The following CIMAP1C variants were observed in gnomAD, a reference collection of about 807,000 sequenced individuals.
CIMAP1C encodes the protein ciliary microtubule associated protein 1C, also known as outer dense fiber of sperm tails 3 like 1.
At chr15:75,725,009 A>G in the CIMAP1C span, 1 of 773,186 alleles carries the variant, frequency 1.3e-6, no homozygotes, top group South Asian at 1.5e-5. Context: ...AGCAGCAAGA[A>G]CAAATACCCC....
the CIMAP1C span, chr15:75,727,299 T>C: frequency 6.2e-7 from 1 of 1,614,180 alleles, no homozygotes; most frequent in East Asian, 2.2e-5. Context: ...AAGGAGGATG[T>C]GGCAGGAGGC....
chr15:75,725,798 G>A, the CIMAP1C span, among the ~76,000 whole-genome samples: 11 of 152,146 alleles, frequency 7.2e-5, no homozygotes, highest in South Asian at 2.1e-4. Flanking sequence ...ATTACTCCCC[G>A]TTGGCCCCAA....
the CIMAP1C span, chr15:75,726,219 T>TGGGGTGGTGGGGGGGG: frequency 1.4e-5 from 9 of 653,584 alleles, no homozygotes; most frequent in East Asian, 3.8e-5. Flanking sequence ...GGTTGGGGGG[T>TGGGGTGGTGGGGGGGG]GGGGTGCACC....
the CIMAP1C span, chr15:75,727,188 C>T: frequency 1.9e-6 from 3 of 1,614,158 alleles, no homozygotes; most frequent in Admixed American, 5.0e-5. Flanking sequence ...AACCCGGCTC[C>T]CAACCAGTAC....
the CIMAP1C span, chr15:75,725,196 G>C: frequency 3.1e-5 from 50 of 1,613,270 alleles, no homozygotes; most frequent in Non-Finnish European, 4.2e-5. Flanking sequence ...CTTATACCCT[G>C]CATAGCCGGC....
chr15:75,726,903 C>T, the CIMAP1C span, among the ~76,000 whole-genome samples: 13 of 152,040 alleles, frequency 8.6e-5, no homozygotes, highest in African/African-American at 1.7e-4. Flanking sequence ...TGTGAGCCAC[C>T]GCGTCCGGCC....
the CIMAP1C span, chr15:75,725,161 G>A: frequency 6.2e-7 from 1 of 1,614,106 alleles, no homozygotes; most frequent in Non-Finnish European, 8.5e-7. Context: ...CATAGATCAT[G>A]ACATCTCCAT....
chr15:75,725,044 TG>T, the CIMAP1C span: 1 of 1,084,790 alleles, frequency 9.2e-7, no homozygotes, highest in Non-Finnish European at 1.4e-6. Context: ...TGCGCTGTAC[TG>T]GGGCTTCCCC....
chr15:75,727,151 C>G, the CIMAP1C span: 1 of 1,614,094 alleles, frequency 6.2e-7, no homozygotes, highest in Admixed American at 1.7e-5. Flanking sequence ...GTTTGGCTAC[C>G]GGCGCCCATA....
the CIMAP1C span, among the ~76,000 whole-genome samples, chr15:75,725,405 C>T: frequency 6.6e-6 from 1 of 152,218 alleles, no homozygotes; most frequent in African/African-American, 2.4e-5. Flanking sequence ...GCCGCCTCTC[C>T]CAAGGGAGCC....
At chr15:75,726,970 A>G in the CIMAP1C span, 1 of 1,512,842 alleles carries the variant, frequency 6.6e-7, no homozygotes, top group Non-Finnish European at 8.9e-7. Context: ...CTGAGGTCAC[A>G]GTGGATAACC....
the CIMAP1C span, among the ~76,000 whole-genome samples, chr15:75,725,419 AG>A: frequency 6.6e-6 from 1 of 152,212 alleles, no homozygotes; most frequent in East Asian, 1.9e-4. Flanking sequence ...GGGAGCCTAT[AG>A]GGGATCCTGG....
chr15:75,726,795 T>A, the CIMAP1C span, among the ~76,000 whole-genome samples: 1 of 152,104 alleles, frequency 6.6e-6, no homozygotes, highest in African/African-American at 2.4e-5. Flanking sequence ...TTTGTATTTT[T>A]AGTAGAGATG....
the CIMAP1C span, chr15:75,725,205 G>A: frequency 1.2e-6 from 2 of 1,612,564 alleles, no homozygotes; most frequent in South Asian, 2.2e-5. Context: ...TGCATAGCCG[G>A]CACTCAGAGA....
chr15:75,725,202 C>T, the CIMAP1C span: 1 of 1,612,846 alleles, frequency 6.2e-7, no homozygotes, highest in African/African-American at 1.3e-5. Context: ...CCCTGCATAG[C>T]CGGCACTCAG....
chr15:75,727,011 G>T, the CIMAP1C span: 27 of 1,578,570 alleles, frequency 1.7e-5, no homozygotes, highest in East Asian at 4.0e-4. Flanking sequence ...AGAGAATGAG[G>T]TCTGTTCCCT....
chr15:75,726,988 T>C, the CIMAP1C span: 10 of 1,547,684 alleles, frequency 6.5e-6, no homozygotes, highest in South Asian at 1.2e-4. Context: ...ACCAGGACCA[T>C]CAGTTGGCTA....
At chr15:75,725,828 C>T in the CIMAP1C span, among the ~76,000 whole-genome samples, 5 of 152,218 alleles carry the variant, frequency 3.3e-5, no homozygotes, top group Non-Finnish European at 7.3e-5. Flanking sequence ...GGGTGGGTGG[C>T]TGCCCAAGCT....
chr15:75,726,912 C>G, the CIMAP1C span: 1 of 1,049,946 alleles, frequency 9.5e-7, no homozygotes, highest in South Asian at 1.5e-5. Flanking sequence ...CCGCGTCCGG[C>G]CTAAGTGACC....
Sources: gnomAD v4.1 joint callset for allele counts (sites outside exome capture counted in the v4.1 genomes callset) on GRCh38, gnomAD v4.1.1 for gene constraint, MANE v1.5 for transcripts, NCBI Gene and HGNC (gene_info 2026-07-23, HGNC 2026-07-21) for gene names.